PACSIN2: variants seen among roughly 807,000 people sequenced by gnomAD.
PACSIN2 encodes the protein protein kinase C and casein kinase substrate in neurons 2, also known as protein kinase C and casein kinase substrate in neurons protein 2.
In PACSIN2, 25 loss-of-function variants were observed where a neutral mutation model predicts 63.8. The observed-to-expected ratio is 0.39, with a 90% CI of 0.29 to 0.55. The LOEUF (loss-of-function observed/expected upper bound fraction) is 0.55, where lower values mean the gene tolerates loss of function less well. Ranked by LOEUF, PACSIN2 falls within the 20% of genes least tolerant of loss-of-function variation. The pLI, the probability that PACSIN2 is intolerant of heterozygous loss-of-function variation, is 0.62. For synonymous variants in PACSIN2, 255 were observed against 256.2 expected, an observed-to-expected ratio of 1.00 and a Z score of 0.05; for missense variants, 518 against 646.9, an observed-to-expected ratio of 0.80 and a Z score of 2.16.
chr22:42,881,538 G>T (rs111943819), intron 7 of PACSIN2, among the ~76,000 whole-genome samples: 4 of 152,322 alleles, frequency 2.6e-5, no homozygotes, highest in African/African-American at 9.6e-5. Flanking sequence ...AAGCCTCAGG[G>T]GCACCAGGAC....
At chr22:43,012,353 C>T (rs1028577675) in intron 1 of PACSIN2, among the ~76,000 whole-genome samples, 11 of 151,404 alleles carry the variant, frequency 7.3e-5, no homozygotes, top group African/African-American at 1.9e-4. Context: ...CCCTCTGCTC[C>T]CACTCCAGAA....
rs188196989 is a variant in PACSIN2, at chr22:42,919,055, G to C, written c.-77-6898C>G. The stretch of plus-strand genomic sequence containing the variant: ...TTACCATACCTGTGCACACGTATGG[G>C]ACAAGCTGCTCTTTAATGCCAAACA... On this transcript the variant is annotated intron_variant, in intron 1 of 10. Transcript: ENST00000263246. Among the ~76,000 whole-genome samples, 361 of 152,262 alleles carry C rather than the reference G, an allele frequency of 2.4e-3. 4 individuals are homozygous for C. Among genetic ancestry groups the C allele is most frequent in the South Asian group, 7.2e-3 (35 of 4,830 alleles).
intron 1 of PACSIN2, among the ~76,000 whole-genome samples, chr22:42,967,751 G>A (rs752229669): frequency 1.3e-5 from 2 of 152,148 alleles, no homozygotes. Context: ...AGCCGGGCGT[G>A]GGGGTGGGCG....
At chr22:42,938,466 A>T (rs781132005) in intron 1 of PACSIN2, among the ~76,000 whole-genome samples, 1 of 152,218 alleles carries the variant, frequency 6.6e-6, no homozygotes, top group Non-Finnish European at 1.5e-5. Context: ...CTTAGAGGAA[A>T]GGAAGGTCAG....
chr22:42,952,857 G>A (rs886345165), intron 1 of PACSIN2, among the ~76,000 whole-genome samples: 5 of 151,900 alleles, frequency 3.3e-5, no homozygotes, highest in African/African-American at 1.2e-4. Context: ...GTAGAGACGG[G>A]GTTTCTCCAT....
intron 1 of PACSIN2, among the ~76,000 whole-genome samples, chr22:42,979,217 G>C (rs930863506): frequency 1.3e-5 from 2 of 152,088 alleles, no homozygotes; most frequent in African/African-American, 2.4e-5. Flanking sequence ...TTTATTTATA[G>C]ATTTACAGAA....
At chr22:42,945,201 C>T (rs930109820) in intron 1 of PACSIN2, among the ~76,000 whole-genome samples, 1 of 133,068 alleles carries the variant, frequency 7.5e-6, no homozygotes, top group Non-Finnish European at 1.6e-5. Context: ...ATGTACGCAC[C>T]GGCAATTACC....
intron 1 of PACSIN2, among the ~76,000 whole-genome samples, chr22:42,962,381 T>A (rs977540928): frequency 6.6e-6 from 1 of 152,088 alleles, no homozygotes; most frequent in Non-Finnish European, 1.5e-5. Context: ...ATTTCCCAGA[T>A]GAGAGGTTAT....
At chr22:42,935,796 A>G (rs543444057) in intron 1 of PACSIN2, among the ~76,000 whole-genome samples, 1 of 152,282 alleles carries the variant, frequency 6.6e-6, no homozygotes, top group East Asian at 1.9e-4. Context: ...TGAGACCTGG[A>G]GAGCTCAGAG....
rs555312129 is a variant in PACSIN2, at chr22:42,946,697, C to A, written c.-77-34540G>T. On this transcript the variant is annotated intron_variant, in intron 1 of 10. Coordinates refer to ENST00000263246, the MANE Select transcript of PACSIN2 (RefSeq NM_001184970.3). ...TAGGATCCCTTCACACAGGCATGCG[C>A]ACACACATGATCCTCTCTCGTCCAG... 2.3e-4 allele frequency among the ~76,000 whole-genome samples: 35 copies of A among 152,346 alleles called. No individual in the cohort carries two copies. In the Middle Eastern group the frequency reaches 0.014, roughly 59 times the overall value.
At chr22:42,905,527 C>G (rs1379165025) in intron 2 of PACSIN2, among the ~76,000 whole-genome samples, 1 of 152,244 alleles carries the variant, frequency 6.6e-6, no homozygotes, top group African/African-American at 2.4e-5. Flanking sequence ...CATCACAGAA[C>G]AGCAGCAGGC....
At chr22:43,014,322 A>C (rs76947229) in intron 1 of PACSIN2, among the ~76,000 whole-genome samples, 12 of 4,430 alleles carry the variant, frequency 2.7e-3, no homozygotes, top group East Asian at 9.3e-3. Flanking sequence ...CCCCCGCCCT[A>C]CACACACACA....
intron 1 of PACSIN2, among the ~76,000 whole-genome samples, chr22:42,941,434 G>A (rs190387831): frequency 6.6e-6 from 1 of 152,288 alleles, no homozygotes; most frequent in East Asian, 1.9e-4. Flanking sequence ...GGGTCATAAT[G>A]AGAAACTTCC....
At chr22:42,905,509 G>A (rs1486804100) in intron 2 of PACSIN2, among the ~76,000 whole-genome samples, 1 of 152,234 alleles carries the variant, frequency 6.6e-6, no homozygotes, top group Admixed American at 6.5e-5. Context: ...TCCCTGGCCT[G>A]GGCAGCCCAT....
chr22:42,981,286 G>A (rs1244791882), intron 1 of PACSIN2, among the ~76,000 whole-genome samples: 13 of 134,982 alleles, frequency 9.6e-5, no homozygotes, highest in South Asian at 2.5e-4. Context: ...CCCTCCGTCC[G>A]GCAACCACCC....
intron 1 of PACSIN2, among the ~76,000 whole-genome samples, chr22:42,922,300 C>CAT (rs1932246324): frequency 6.6e-6 from 1 of 152,196 alleles, no homozygotes; most frequent in South Asian, 2.1e-4. Flanking sequence ...ATGATGTATT[C>CAT]ACAAGGACAT....
chr22:42,927,942 C>T (rs1932644489), intron 1 of PACSIN2, among the ~76,000 whole-genome samples: 1 of 152,132 alleles, frequency 6.6e-6, no homozygotes, highest in Admixed American at 6.5e-5. Context: ...CTCCACTGAG[C>T]CGAGCCCTCA....
At chr22:42,900,707 C>G (rs999181110) in intron 2 of PACSIN2, among the ~76,000 whole-genome samples, 2 of 152,164 alleles carry the variant, frequency 1.3e-5, no homozygotes, top group African/African-American at 4.8e-5. Context: ...CTCCTAGGCT[C>G]AAGCAATCCT....
chr22:42,873,320 C>A (rs1928318335), intron 10 of PACSIN2, among the ~76,000 whole-genome samples: 1 of 152,092 alleles, frequency 6.6e-6, no homozygotes, highest in Admixed American at 6.5e-5. Flanking sequence ...GGGGTAACAA[C>A]CCCAACCAAA....
Sources: gnomAD v4.1 joint callset for allele counts (sites outside exome capture counted in the v4.1 genomes callset) on GRCh38, gnomAD v4.1.1 for gene constraint, MANE v1.5 for transcripts, NCBI Gene and HGNC (gene_info 2026-07-23, HGNC 2026-07-21) for gene names.